ARHGEF6: variants seen among roughly 807,000 people sequenced by gnomAD.
ARHGEF6 encodes rho guanine nucleotide exchange factor 6.
A neutral mutation model predicts 70.3 loss-of-function variants in ARHGEF6; 9 were observed. The observed-to-expected ratio is 0.13, with a 90% CI of 0.08 to 0.22. The LOEUF is 0.22. Ranked by LOEUF, ARHGEF6 falls within the 10% of genes least tolerant of loss-of-function variation. The pLI is 1.00. For synonymous variants in ARHGEF6, 201 were observed against 207.8 expected (o/e 0.97, Z 0.28); for missense variants, 470 against 563.0 (o/e 0.83, Z 1.67).
intron 6 of ARHGEF6, among the ~76,000 whole-genome samples, chrX:136,727,418 TTTCTTTCTTTCC>T (rs1191426259): frequency 9.9e-6 from 1 of 101,256 alleles, no homozygotes; most frequent in African/African-American, 3.6e-5. Flanking sequence ...TCTCTCTTTC[TTTCTTTCTTTCC>T]TTCTTTCTTT....
intron 3 of ARHGEF6, among the ~76,000 whole-genome samples, chrX:136,746,257 A>G (rs2077094413): frequency 8.9e-6 from 1 of 112,070 alleles, no homozygotes; most frequent in African/African-American, 3.2e-5. Flanking sequence ...ATAATGTTAG[A>G]ATTACACGAT....
chrX:136,673,975 T>C (rs1046387340), intron 19 of ARHGEF6, among the ~76,000 whole-genome samples: 2 of 111,471 alleles, frequency 1.8e-5, no homozygotes, highest in African/African-American at 6.5e-5. Flanking sequence ...CAAGAGATTC[T>C]CCTGCCTCAG....
intron 6 of ARHGEF6, among the ~76,000 whole-genome samples, chrX:136,718,730 A>G (rs918854515): frequency 9.0e-6 from 1 of 111,361 alleles, no homozygotes; most frequent in Admixed American, 9.6e-5. Flanking sequence ...TGACAATGGC[A>G]TTGTGTATTT....
chrX:136,767,563 C>T lies in ARHGEF6; in HGVS notation c.249+11851G>A, dbSNP rs1047470385. Reference sequence around the variant, plus strand: ...GCGGGCGGAGGATCGCGGGGCCGAACTGGGGGTGCCGGAGGCGCGCCCCGC... The same window carrying T: ...GCGGGCGGAGGATCGCGGGGCCGAATTGGGGGTGCCGGAGGCGCGCCCCGC... On this transcript the variant is annotated intron_variant, in intron 2 of 21. Coordinates refer to ENST00000250617, the MANE Select transcript of ARHGEF6 (RefSeq NM_004840.3). 2.7e-5 allele frequency: 20 copies of T among 753,390 alleles called. No homozygotes were observed. In the African/African-American group the frequency reaches 3.9e-4, roughly 15 times the overall value. The allele number at this position is 753,390 out of a possible 1,213,427, so 62.1% of individuals were successfully genotyped here.
chrX:136,767,080 G>A (rs2077322342), intron 2 of ARHGEF6: 1 of 748,616 alleles, frequency 1.3e-6, no homozygotes, highest in South Asian at 6.8e-5. Flanking sequence ...GGGTCCTTCG[G>A]CACCCACCCC....
chrX:136,753,882 C>A (rs372620157), intron 2 of ARHGEF6, among the ~76,000 whole-genome samples: 1 of 112,242 alleles, frequency 8.9e-6, no homozygotes, highest in Admixed American at 9.4e-5. Flanking sequence ...TGCATCGTGG[C>A]ATTTGGACTG....
chrX:136,669,102 G>T (rs1221637862), intron 21 of ARHGEF6, among the ~76,000 whole-genome samples: 2 of 111,327 alleles, frequency 1.8e-5, no homozygotes, highest in South Asian at 3.8e-4. Context: ...CACACACAAG[G>T]CACAGTGTGC....
At chrX:136,686,682 A>ATATATATACACATGTG (rs1569394061) in intron 11 of ARHGEF6, among the ~76,000 whole-genome samples, 24 of 59,516 alleles carry the variant, frequency 4.0e-4, no homozygotes, top group African/African-American at 1.5e-3. Flanking sequence ...ATATATACAC[A>ATATATATACACATGTG]TATATATATA....
At chrX:136,771,954 C>A (rs2077366497) in intron 2 of ARHGEF6, among the ~76,000 whole-genome samples, 1 of 112,172 alleles carries the variant, frequency 8.9e-6, no homozygotes, top group African/African-American at 3.2e-5. Flanking sequence ...GATAACGGCG[C>A]TCCTATGTTT....
chrX:136,727,329 C>CTT (rs1569410776), intron 6 of ARHGEF6, among the ~76,000 whole-genome samples: 9 of 29,323 alleles, frequency 3.1e-4, no homozygotes, highest in African/African-American at 5.7e-4. Flanking sequence ...CTTTCTTTTT[C>CTT]TTTCTTTCTT....
intron 5 of ARHGEF6, among the ~76,000 whole-genome samples, chrX:136,741,546 T>G (rs2148658123): frequency 9.3e-6 from 1 of 107,774 alleles, no homozygotes. Flanking sequence ...TTTGTGTGTG[T>G]GTGTGTGTTT....
In ARHGEF6 at chrX:136,673,580, C is replaced by T. The variant is rs750215580; in HGVS notation, c.2035+1427G>A. ...CTGTCAAATATAAAAATAGGTGGTG[C>T]GGGAGGAGATGAGGTCAGATTTTGT... is the stretch of plus-strand genomic sequence containing the variant. On this transcript the variant is annotated intron_variant, in intron 19 of 21. Coordinates refer to ENST00000250617, the MANE Select transcript of ARHGEF6 (RefSeq NM_004840.3). 1.6e-4 allele frequency among the ~76,000 whole-genome samples: 18 copies of T among 111,239 alleles called. No individual in the cohort carries two copies. The East Asian group carries it at 4.2e-3, about 26-fold the overall frequency.
At chrX:136,772,071 T>C (rs1170184277) in intron 2 of ARHGEF6, among the ~76,000 whole-genome samples, 3 of 112,642 alleles carry the variant, frequency 2.7e-5, no homozygotes. Context: ...GGAGTACTAT[T>C]CAGCCATAAA....
Position 136,723,007 on chromosome X carries a change from C to T in ARHGEF6, c.732+9095G>A, listed in dbSNP as rs80236872. Among the ~76,000 whole-genome samples the T allele has an allele frequency of 8.2e-3, 925 of 112,439 alleles. 19 individuals carry two copies. In the East Asian group the frequency reaches 0.086, roughly 11 times the overall value. On this transcript the variant is annotated intron_variant, in intron 6 of 21. Transcript: ENST00000250617. ...TGATACATTCTGCAACATGGATGAACCTTGAAAATATTATGCTAAGTGAAA... is the reference window on the plus strand; with the variant it reads ...TGATACATTCTGCAACATGGATGAATCTTGAAAATATTATGCTAAGTGAAA...
Position 136,687,937 on chromosome X carries a change from G to C in ARHGEF6, c.1240C>G (p.Leu414Val). The change falls in exon 11 of 22, where the codon CTC (leucine) becomes GTC (valine). Residue 414 changes from leucine (L) to valine (V), a missense_variant. Physicochemically the swap from Leu to Val is conservative, Grantham distance 32 (BLOSUM62 1). Around this residue, in one of 3 missense-constraint regions of ARHGEF6, gnomAD observed 379 missense variants for 449.3 expected, o/e 0.84. Transcript: ENST00000250617. ...GATTTTAAAGCATCACCTACCATGA[G>C]AGTTTTGAATGCTACGATTGCTTTC... ...ILKAIVAFKT[L>V]MGQCQDLRKR... 1 of 1,204,243 alleles carries C rather than the reference G, an allele frequency of 8.3e-7. No individual in the cohort carries two copies.
intron 2 of ARHGEF6, among the ~76,000 whole-genome samples, chrX:136,748,425 GT>G (rs1282589849): frequency 8.9e-6 from 1 of 112,589 alleles, no homozygotes; most frequent in African/African-American, 3.2e-5. Flanking sequence ...ATCAGATGTT[GT>G]TTTCAATACA....
intron 20 of ARHGEF6, 97 bp from the exon 21 acceptor site, chrX:136,669,633 T>A: frequency 1.4e-6 from 1 of 698,745 alleles, no homozygotes; most frequent in Non-Finnish European, 2.3e-6. Context: ...ATACAGATCC[T>A]GAAAAACAGT....
chrX:136,712,107 G>GT (rs1556263853), intron 7 of ARHGEF6, among the ~76,000 whole-genome samples: 1 of 110,851 alleles, frequency 9.0e-6, no homozygotes, highest in Non-Finnish European at 1.9e-5. Context: ...TGTTGTTGTT[G>GT]TTGTTTGTTT....
Position 136,677,935 on chromosome X carries a change from C to T in ARHGEF6, c.1851+1G>A. 8.3e-7 allele frequency: 1 copy of T among 1,200,347 alleles called. No homozygotes were observed. The highest frequency in any genetic ancestry group is 1.1e-6 in the Non-Finnish European group (1 of 885,570). Reference sequence around the variant, plus strand: ...AGCCAAAGATATTGTACTACCCTTACCTTTAAGATATAAGACATCCTCTAA... The same window carrying T: ...AGCCAAAGATATTGTACTACCCTTATCTTTAAGATATAAGACATCCTCTAA... On this transcript the variant is annotated splice_donor_variant, in intron 17 of 21. Transcript: ENST00000250617. LOFTEE classifies it high-confidence loss of function.
Sources: gnomAD v4.1 joint callset for allele counts (sites outside exome capture counted in the v4.1 genomes callset) on GRCh38, gnomAD v4.1.1 for gene constraint, gnomAD v4.1.1 regional missense constraint, MANE v1.5 for transcripts, NCBI Gene and HGNC (gene_info 2026-07-23, HGNC 2026-07-21) for gene names.